SGCD: variants seen among roughly 807,000 people sequenced by gnomAD.
SGCD encodes the protein delta-sarcoglycan.
A neutral mutation model predicts 36.6 loss-of-function variants in SGCD; 18 were observed. The ratio of observed to expected loss-of-function variants is 0.49; its 90% CI spans 0.34 to 0.73. The LOEUF (loss-of-function observed/expected upper bound fraction) is 0.73, where lower values mean the gene tolerates loss of function less well. Ranked by LOEUF, SGCD falls within the 30% of genes least tolerant of loss-of-function variation. The probability of loss-of-function intolerance (pLI) is 0.01; values close to 1 mark genes in which losing one functional copy is unlikely to be tolerated. For synonymous variants in SGCD, 133 were observed against 130.6 expected (o/e 1.02, Z -0.12); for missense variants, 387 against 346.7 (o/e 1.12, Z -0.92).
At chr5:156,463,198 T>C (rs7722422) in intron 3 of SGCD, among the ~76,000 whole-genome samples, 8,620 of 152,114 alleles carry the variant, frequency 0.057, 384 homozygotes, top group African/African-American at 0.13. Flanking sequence ...GGCCACCACG[T>C]CTGGCTAATT....
intron 3 of SGCD, among the ~76,000 whole-genome samples, chr5:156,200,862 G>A (rs1299414851): frequency 6.6e-6 from 1 of 152,132 alleles, no homozygotes; most frequent in East Asian, 1.9e-4. Flanking sequence ...CAGATGAATA[G>A]ATAAGCAAAA....
intron 6 of SGCD, among the ~76,000 whole-genome samples, chr5:156,635,573 G>A (rs1245755313): frequency 6.6e-6 from 1 of 152,062 alleles, no homozygotes; most frequent in African/African-American, 2.4e-5. Flanking sequence ...CTGCTGTAAA[G>A]ACACATGCAC....
At chr5:156,445,592 T>C (rs1477608116) in intron 3 of SGCD, among the ~76,000 whole-genome samples, 2 of 152,162 alleles carry the variant, frequency 1.3e-5, no homozygotes, top group Non-Finnish European at 2.9e-5. Context: ...GGAGCTGGAC[T>C]AGCGGGTTTT....
intron 3 of SGCD, among the ~76,000 whole-genome samples, chr5:156,259,455 T>A (rs868100007): frequency 2.6e-5 from 4 of 152,236 alleles, no homozygotes; most frequent in Middle Eastern, 3.4e-3. Context: ...CATTTTTTTT[T>A]AAAAGTTAAT....
intron 2 of SGCD, among the ~76,000 whole-genome samples, chr5:156,120,272 C>T (rs746086080): frequency 1.9e-4 from 29 of 151,800 alleles, no homozygotes; most frequent in African/African-American, 6.3e-4. Context: ...AGGTGAGGAG[C>T]AAAGTAAGGA....
At chr5:156,684,966 C>T (rs1753852794) in intron 7 of SGCD, among the ~76,000 whole-genome samples, 1 of 151,586 alleles carries the variant, frequency 6.6e-6, no homozygotes, top group South Asian at 2.1e-4. Context: ...ATATCATCTG[C>T]AGAAGAGAAA....
intron 1 of SGCD, among the ~76,000 whole-genome samples, chr5:155,960,229 A>G (rs527351569): frequency 1.3e-5 from 2 of 151,964 alleles, no homozygotes; most frequent in Admixed American, 6.6e-5. Flanking sequence ...AACTGGCAAC[A>G]AGGACATCTG....
chr5:156,505,016 C>A (rs889148200), intron 3 of SGCD, among the ~76,000 whole-genome samples: 1 of 152,192 alleles, frequency 6.6e-6, no homozygotes, highest in Non-Finnish European at 1.5e-5. Flanking sequence ...GATGAAGCAG[C>A]GCAGTCAGTT....
At chr5:156,423,425 A>ATT (rs1561686102) in intron 3 of SGCD, among the ~76,000 whole-genome samples, 1,725 of 112,934 alleles carry the variant, frequency 0.015, 71 homozygotes, top group Non-Finnish European at 0.019. Flanking sequence ...ATTATATTTT[A>ATT]ATAAAATATA....
rs565113552 is a variant in SGCD, at chr5:156,264,189, G to A, written c.-43-65345G>A. Among the ~76,000 whole-genome samples, 15 of 152,130 alleles carry A rather than the reference G, an allele frequency of 9.9e-5. No homozygotes were observed. The South Asian group carries it at 3.1e-3, about 32-fold the overall frequency. On this transcript the variant is annotated intron_variant, in intron 3 of 9. Transcript: ENST00000517913. ...TAACATTTGAAGAGATAATAGCAAA[G>A]AATTTTCCAGAAATAAAGTCAGGAA...
chr5:155,838,832 A>AT, the SGCD span, among the ~76,000 whole-genome samples: 2 of 150,742 alleles, frequency 1.3e-5, no homozygotes, highest in African/African-American at 4.9e-5. Context: ...GAATATAGCT[A>AT]TTTTTCATAA....
chr5:156,474,082 T>C (rs1162241582), intron 3 of SGCD, among the ~76,000 whole-genome samples: 1 of 151,994 alleles, frequency 6.6e-6, no homozygotes, highest in Non-Finnish European at 1.5e-5. Context: ...GAGCACTTTG[T>C]CTCCCACAAG....
intron 1 of SGCD, among the ~76,000 whole-genome samples, chr5:155,987,350 T>C (rs1273500525): frequency 1.3e-5 from 2 of 152,160 alleles, no homozygotes; most frequent in Non-Finnish European, 2.9e-5. Context: ...ACCTCCAAAA[T>C]GTCTCTAAAA....
At position 156,361,767 on chromosome 5, in the gene SGCD, G is replaced by A. The variant is rs147439364; in HGVS notation, c.192+17090G>A. On this transcript the variant is annotated intron_variant, in intron 3 of 8. Coordinates refer to ENST00000337851, the MANE Select transcript of SGCD (RefSeq NM_000337.6). ...ATTATTGCTGGTTCAACTTAAAATA[G>A]GACTCTGTGAAACACAGTAAACTAT... 3.0e-3 allele frequency among the ~76,000 whole-genome samples: 453 copies of A among 152,270 alleles called. 1 individual carries two copies. Among genetic ancestry groups the A allele is most frequent in the Non-Finnish European group, 5.1e-3 (347 of 68,020 alleles).
At chr5:155,733,048 G>T in the SGCD span, among the ~76,000 whole-genome samples, 1 of 143,742 alleles carries the variant, frequency 7.0e-6, no homozygotes. Flanking sequence ...GTGCCAAGTC[G>T]GAAAGCACTT....
intron 3 of SGCD, among the ~76,000 whole-genome samples, chr5:156,488,932 T>G (rs1289143041): frequency 6.6e-6 from 1 of 152,054 alleles, no homozygotes; most frequent in South Asian, 2.1e-4. Flanking sequence ...ACATATAGAC[T>G]GGTTGAATGG....
At chr5:156,208,341 C>T (rs1184941482) in intron 3 of SGCD, among the ~76,000 whole-genome samples, 5 of 152,164 alleles carry the variant, frequency 3.3e-5, no homozygotes, top group Non-Finnish European at 5.9e-5. Flanking sequence ...AGAAATTACT[C>T]AAAATAAAGT....
At chr5:156,279,881 T>A (rs1419738982) in intron 3 of SGCD, among the ~76,000 whole-genome samples, 1 of 152,032 alleles carries the variant, frequency 6.6e-6, no homozygotes, top group African/African-American at 2.4e-5. Context: ...CACCAAGTCA[T>A]GATGGGTATC....
At chr5:155,903,405 T>G (rs965424973) in intron 1 of SGCD, among the ~76,000 whole-genome samples, 1 of 152,184 alleles carries the variant, frequency 6.6e-6, no homozygotes. Flanking sequence ...TTTGTTTTGT[T>G]TTCAACAAGG....
Sources: allele counts gnomAD v4.1 joint callset (sites outside exome capture counted in the v4.1 genomes callset), GRCh38; gene constraint gnomAD v4.1.1; transcripts MANE v1.5; gene names NCBI Gene and HGNC (gene_info 2026-07-23, HGNC 2026-07-21).